KIF26B: variants seen among roughly 807,000 people sequenced by gnomAD.
The protein encoded by KIF26B is kinesin-like protein KIF26B.
A neutral mutation model predicts 151.2 loss-of-function variants in KIF26B; 63 were observed. The ratio of observed to expected loss-of-function variants is 0.42; its 90% CI spans 0.34 to 0.51. KIF26B has a LOEUF of 0.51. Ranked by LOEUF, KIF26B falls within the 20% of genes least tolerant of loss-of-function variation. KIF26B has a pLI of 0.07. For synonymous variants in KIF26B, 1,357 were observed against 1,262.1 expected (o/e 1.08, Z -1.59); for missense variants, 2,813 against 2,913.6 (o/e 0.97, Z 0.79).
intron 2 of KIF26B, among the ~76,000 whole-genome samples, chr1:245,249,405 T>G (rs1294916393): frequency 1.3e-5 from 2 of 152,050 alleles, no homozygotes; most frequent in East Asian, 1.9e-4. Flanking sequence ...AGCCACAAGA[T>G]GAGTTTTAAT....
At chr1:245,410,596 C>T (rs1756901) in intron 3 of KIF26B, among the ~76,000 whole-genome samples, 70,386 of 151,678 alleles carry the variant, frequency 0.46, 16,743 homozygotes, top group South Asian at 0.65. Flanking sequence ...ATTACAGGCG[C>T]GTGCCACCAT....
Position 245,211,733 on chromosome 1 carries a change from C to T in KIF26B, c.465+55050C>T, listed in dbSNP as rs1254408070. Among the ~76,000 whole-genome samples, 6 of 152,170 alleles carry T rather than the reference C, an allele frequency of 3.9e-5. No individual in the cohort carries two copies. In the East Asian group the frequency reaches 1.2e-3, roughly 29 times the overall value. On this transcript the variant is annotated intron_variant, in intron 2 of 14. Coordinates refer to ENST00000407071, the MANE Select transcript of KIF26B (RefSeq NM_018012.4). ...TTTTTATAAAGAAAAAAATTTAAAT[C>T]CTCTGTTTCTTCTCTTCCTCATCTT...
chr1:245,618,804 G>A (rs895079682), intron 9 of KIF26B, among the ~76,000 whole-genome samples: 2 of 147,192 alleles, frequency 1.4e-5, no homozygotes, highest in African/African-American at 5.1e-5. Context: ...TGCTGTGTCC[G>A]CTGCATGCTG....
chr1:245,474,920 A>C (rs1303067010), intron 4 of KIF26B, among the ~76,000 whole-genome samples: 1 of 151,780 alleles, frequency 6.6e-6, no homozygotes, highest in Admixed American at 6.6e-5. Context: ...TTCACTTCCC[A>C]TAATGACCTC....
chr1:245,214,217 T>TA (rs11285970), intron 2 of KIF26B: 39 of 145,790 alleles, frequency 2.7e-4, no homozygotes, highest in African/African-American at 4.0e-4. Context: ...CTACAAAAAG[T>TA]AAAAAAAAAA....
At position 245,640,137 on chromosome 1, in the gene KIF26B, C is replaced by CTA. The variant is rs1354945667; in HGVS notation, c.2099-5983_2099-5982insAT. 4.5e-3 allele frequency among the ~76,000 whole-genome samples: 141 copies of CTA among 31,292 alleles called. 4 individuals are homozygous for CTA. The highest frequency in any genetic ancestry group is 6.7e-3 in the Admixed American group (19 of 2,826). The allele number at this position is 31,292 out of a possible 152,430, so 20.5% of individuals were successfully genotyped here. On this transcript the variant is annotated intron_variant, in intron 9 of 14. Transcript: ENST00000407071. ...ACTAATATTTGCTCTCTCTCTCTCT[C>CTA]TCTCTCTATATATATATATATATAC...
intron 2 of KIF26B, among the ~76,000 whole-genome samples, chr1:245,186,989 T>C (rs762033959): frequency 6.6e-6 from 1 of 152,098 alleles, no homozygotes; most frequent in Non-Finnish European, 1.5e-5. Context: ...CCAGAGTAGC[T>C]GGGACTACAG....
At chr1:245,205,198 T>C (rs1391727044) in intron 2 of KIF26B, among the ~76,000 whole-genome samples, 1 of 152,176 alleles carries the variant, frequency 6.6e-6, no homozygotes, top group African/African-American at 2.4e-5. Context: ...AACACAGCCT[T>C]TCTGATCCAC....
At chr1:245,282,510 G>C (rs1671075826) in intron 2 of KIF26B, among the ~76,000 whole-genome samples, 1 of 152,146 alleles carries the variant, frequency 6.6e-6, no homozygotes. Context: ...TAGCAACATG[G>C]CCGCCCCCAC....
At chr1:245,541,391 G>A (rs1661618341) in intron 5 of KIF26B, among the ~76,000 whole-genome samples, 1 of 152,218 alleles carries the variant, frequency 6.6e-6, no homozygotes, top group Non-Finnish European at 1.5e-5. Context: ...GCAGCCCACT[G>A]AGGGGATTGT....
chr1:245,469,291 CAG>C (rs1383123384), intron 4 of KIF26B, among the ~76,000 whole-genome samples: 3 of 152,158 alleles, frequency 2.0e-5, no homozygotes, highest in Non-Finnish European at 2.9e-5. Flanking sequence ...CAGCGTCACT[CAG>C]GGGAGAATGT....
intron 5 of KIF26B, among the ~76,000 whole-genome samples, chr1:245,548,987 C>T (rs1460043144): frequency 6.6e-6 from 1 of 152,154 alleles, no homozygotes; most frequent in Admixed American, 6.5e-5. Context: ...GGTGATCCAC[C>T]CGCCTTGGCT....
chr1:245,630,728 A>G (rs556166820), intron 9 of KIF26B, among the ~76,000 whole-genome samples: 4 of 152,298 alleles, frequency 2.6e-5, no homozygotes, highest in Non-Finnish European at 5.9e-5. Flanking sequence ...CTGCACATGT[A>G]TCCCAGAACT....
At chr1:245,683,482 A>G (rs1236790192) in intron 10 of KIF26B, among the ~76,000 whole-genome samples, 2 of 152,116 alleles carry the variant, frequency 1.3e-5, no homozygotes, top group East Asian at 1.9e-4. Flanking sequence ...GGTCTATTCA[A>G]AGACGTAGCA....
At chr1:245,515,156 G>T (rs34550313) in intron 4 of KIF26B, among the ~76,000 whole-genome samples, 37,336 of 151,834 alleles carry the variant, frequency 0.25, 5,580 homozygotes, top group East Asian at 0.49. Context: ...CCCTAGATGG[G>T]TTACTCCTTA....
intron 2 of KIF26B, among the ~76,000 whole-genome samples, chr1:245,202,678 T>G (rs1573705406): frequency 6.8e-6 from 1 of 148,122 alleles, no homozygotes; most frequent in Non-Finnish European, 1.5e-5. Context: ...GAGAATGCCG[T>G]GAACCCGGGA....
intron 2 of KIF26B, among the ~76,000 whole-genome samples, chr1:245,210,156 C>T (rs1669488127): frequency 6.6e-6 from 1 of 152,210 alleles, no homozygotes; most frequent in African/African-American, 2.4e-5. Flanking sequence ...TGCAGCCTCA[C>T]AGCATGACTC....
At position 245,622,290 on chromosome 1, in the gene KIF26B, A is replaced by T. The variant is rs144554911; in HGVS notation, c.2098+10314A>T. Among the ~76,000 whole-genome samples, 556 of 152,338 alleles carry T rather than the reference A, an allele frequency of 3.6e-3. 1 individual carries two copies. The highest frequency in any genetic ancestry group is 0.013 in the African/African-American group (523 of 41,582). On this transcript the variant is annotated intron_variant, in intron 9 of 14. Transcript: ENST00000407071. ...CTTAATGTAAAAAGTTCTTTGCCAT[A>T]GACGTGCCAGTAGCTGGAGAGCTGG...
intron 9 of KIF26B, among the ~76,000 whole-genome samples, chr1:245,626,073 G>A (rs2043720925): frequency 6.6e-6 from 1 of 152,140 alleles, no homozygotes; most frequent in Non-Finnish European, 1.5e-5. Flanking sequence ...ATAACTGCTA[G>A]TATTCCATTG....
Sources: allele counts gnomAD v4.1 joint callset (sites outside exome capture counted in the v4.1 genomes callset), GRCh38; gene constraint gnomAD v4.1.1; transcripts MANE v1.5; gene names NCBI Gene and HGNC (gene_info 2026-07-23, HGNC 2026-07-21).